Variants in DMD observed in about 807,000 individuals in gnomAD.
DMD encodes the protein mutant dystrophin.
Under a neutral mutation model 330.1 loss-of-function variants are expected in DMD, and 63 were observed. The observed-to-expected ratio is 0.19, with a 90% CI of 0.16 to 0.24. DMD has a LOEUF of 0.24. Among genes scored for constraint, DMD ranks in the 10% least tolerant of loss-of-function variants. The probability of loss-of-function intolerance (pLI) is 1.00; values close to 1 mark genes in which losing one functional copy is unlikely to be tolerated. For missense variants in DMD, 3,344 were observed against 2,684.1 expected, an observed-to-expected ratio of 1.25 and a Z score of -5.43; for synonymous variants, 1,223 against 959.8, an observed-to-expected ratio of 1.27 and a Z score of -5.07.
Position 32,610,839 on chromosome X carries a change from A to G in DMD, c.1482+3464T>C, listed in dbSNP as rs770193223. 4.7e-4 allele frequency among the ~76,000 whole-genome samples: 52 copies of G among 111,157 alleles called. No homozygotes were observed. The Admixed American group carries it at 4.9e-3, about 10-fold the overall frequency. On this transcript the variant is annotated intron_variant, in intron 12 of 78. Transcript: ENST00000357033. ...AAGGTTACTGATGCATTTTGTTGTC[A>G]GAAGGAGAAATTTCCTTACTTTCAA...
intron 44 of DMD, among the ~76,000 whole-genome samples, chrX:32,082,942 C>T (rs974294038): frequency 9.0e-6 from 1 of 111,577 alleles, no homozygotes; most frequent in African/African-American, 3.3e-5. Flanking sequence ...GGGATTTAGG[C>T]GTGGGAGTCA....
intron 1 of DMD, among the ~76,000 whole-genome samples, chrX:33,262,092 T>C (rs1404574495): frequency 9.0e-6 from 1 of 110,935 alleles, no homozygotes; most frequent in Non-Finnish European, 1.9e-5. Flanking sequence ...AAAGAACAAG[T>C]AGTTATAAAA....
intron 7 of DMD, among the ~76,000 whole-genome samples, chrX:32,713,321 T>C (rs1012320332): frequency 2.7e-5 from 3 of 111,951 alleles, no homozygotes; most frequent in Non-Finnish European, 3.8e-5. Context: ...TTTCACACTG[T>C]ATCTCCTGTG....
intron 75 of DMD, 108 bp from the exon 76 acceptor site, chrX:31,146,522 C>A: frequency 1.3e-6 from 1 of 774,924 alleles, no homozygotes. Flanking sequence ...ACCCTTCCTA[C>A]TTTAGAAGCC....
At chrX:31,780,151 C>T (rs966909800) in intron 50 of DMD, among the ~76,000 whole-genome samples, 1 of 111,982 alleles carries the variant, frequency 8.9e-6, no homozygotes, top group African/African-American at 3.2e-5. Flanking sequence ...TTTTAAAACA[C>T]ACACACAATG....
At chrX:31,309,773 G>A (rs180926673) in intron 62 of DMD, among the ~76,000 whole-genome samples, 6 of 111,787 alleles carry the variant, frequency 5.4e-5, no homozygotes, top group South Asian at 7.5e-4. Flanking sequence ...TAACAGATAC[G>A]TTTTTAAAAA....
In DMD at chrX:31,587,200, A is replaced by T. The variant is rs187429300; in HGVS notation, c.8217+40473T>A. On this transcript the variant is annotated intron_variant, in intron 55 of 78. Transcript: ENST00000357033. Reference sequence around the variant, plus strand: ...ATTAAGTTTTTTATTTAAAAAAATCAGTTGTTCGAAGGAAACACAATTTCA... The same window carrying T: ...ATTAAGTTTTTTATTTAAAAAAATCTGTTGTTCGAAGGAAACACAATTTCA... Among the ~76,000 whole-genome samples, 63 of 112,025 alleles carry T rather than the reference A, an allele frequency of 5.6e-4. No homozygotes were observed. The East Asian group carries it at 0.017, about 29-fold the overall frequency.
intron 47 of DMD, among the ~76,000 whole-genome samples, chrX:31,918,927 G>A (rs111437070): frequency 0.015 from 1,667 of 111,896 alleles, 31 homozygotes; most frequent in African/African-American, 0.047. Context: ...GTGAGCCACC[G>A]TGCCCAGCCT....
intron 60 of DMD, among the ~76,000 whole-genome samples, chrX:31,351,675 G>A (rs1295846943): frequency 1.1e-5 from 1 of 94,450 alleles, no homozygotes; most frequent in Non-Finnish European, 2.0e-5. Context: ...GCAGTGCGCC[G>A]AGATCGTGTC....
chrX:31,281,974 CTTT>C (rs1290160245), intron 62 of DMD, among the ~76,000 whole-genome samples: 1 of 95,835 alleles, frequency 1.0e-5, no homozygotes, highest in African/African-American at 5.4e-5. Flanking sequence ...AGAAATGGTT[CTTT>C]ATTTCTGATT....
intron 59 of DMD, among the ~76,000 whole-genome samples, chrX:31,444,858 GT>G (rs1344959362): frequency 1.8e-5 from 2 of 110,938 alleles, no homozygotes; most frequent in Non-Finnish European, 3.8e-5. Context: ...CTTTAGGGAG[GT>G]GATTTTTGGG....
chrX:32,163,466 GT>G (rs1212118671), intron 44 of DMD, among the ~76,000 whole-genome samples: 1 of 112,233 alleles, frequency 8.9e-6, no homozygotes, highest in African/African-American at 3.2e-5. Context: ...CAGATTAGGG[GT>G]TGCTAGTGAT....
intron 60 of DMD, among the ~76,000 whole-genome samples, chrX:31,377,536 G>A (rs181553454): frequency 5.9e-4 from 66 of 112,304 alleles, no homozygotes; most frequent in African/African-American, 2.1e-3. Flanking sequence ...GCTTAAATAA[G>A]TTAACTATCG....
intron 55 of DMD, among the ~76,000 whole-genome samples, chrX:31,621,590 T>C (rs1329726176): frequency 8.9e-6 from 1 of 112,034 alleles, no homozygotes; most frequent in African/African-American, 3.2e-5. Flanking sequence ...GTATGCATTT[T>C]ACATATATCT....
At chrX:33,209,919 T>C (rs2051795265) in intron 1 of DMD, among the ~76,000 whole-genome samples, 1 of 110,307 alleles carries the variant, frequency 9.1e-6, no homozygotes, top group Non-Finnish European at 1.9e-5. Flanking sequence ...GTAGAATATA[T>C]ATATATATAA....
At chrX:32,381,805 C>A (rs948150006) in intron 33 of DMD, among the ~76,000 whole-genome samples, 2 of 110,366 alleles carry the variant, frequency 1.8e-5, no homozygotes, top group African/African-American at 6.6e-5. Flanking sequence ...TTAAAAAAAA[C>A]CCTTGTCTGT....
At chrX:31,665,742 C>T (rs182494154) in intron 53 of DMD, among the ~76,000 whole-genome samples, 83 of 111,873 alleles carry the variant, frequency 7.4e-4, no homozygotes, top group African/African-American at 2.2e-3. Flanking sequence ...AATGTGTTAT[C>T]GGCCAACCCA....
chrX:32,280,258 A>T (rs1206612737), intron 43 of DMD, among the ~76,000 whole-genome samples: 1 of 106,556 alleles, frequency 9.4e-6, no homozygotes, highest in Non-Finnish European at 1.9e-5. Flanking sequence ...GAACATAAAT[A>T]GAAATTTGTA....
At chrX:32,403,412 T>G (rs1028556723) in intron 30 of DMD, among the ~76,000 whole-genome samples, 2 of 111,762 alleles carry the variant, frequency 1.8e-5, no homozygotes, top group African/African-American at 6.5e-5. Context: ...ATATGTAGAA[T>G]TTGTAGATAG....
Sources: gnomAD v4.1 joint callset for allele counts (sites outside exome capture counted in the v4.1 genomes callset) on GRCh38, gnomAD v4.1.1 for gene constraint, MANE v1.5 for transcripts, NCBI Gene and HGNC (gene_info 2026-07-23, HGNC 2026-07-21) for gene names.